The following MACROD2 variants were observed in gnomAD, a reference collection of about 807,000 sequenced individuals.
MACROD2 encodes the protein ADP-ribose glycohydrolase MACROD2.
In MACROD2, 36 loss-of-function variants were observed where a neutral mutation model predicts 70.4. The ratio of observed to expected loss-of-function variants is 0.51; its 90% CI spans 0.39 to 0.68. The LOEUF (loss-of-function observed/expected upper bound fraction) is 0.68. Ranked by LOEUF, MACROD2 falls within the 30% of genes least tolerant of loss-of-function variation. MACROD2 has a pLI of 0.00. For missense variants in MACROD2, 496 were observed against 538.4 expected (o/e 0.92, Z 0.78); for synonymous variants, 172 against 178.8 (o/e 0.96, Z 0.30).
chr20:15,068,480 G>A (rs979690672), intron 5 of MACROD2, among the ~76,000 whole-genome samples: 1 of 152,160 alleles, frequency 6.6e-6, no homozygotes, highest in Non-Finnish European at 1.5e-5. Flanking sequence ...GGAGGTGGGG[G>A]TCTAGTGGGA....
chr20:14,913,510 G>C (rs2074054295), intron 5 of MACROD2, among the ~76,000 whole-genome samples: 1 of 150,626 alleles, frequency 6.6e-6, no homozygotes, highest in Non-Finnish European at 1.5e-5. Flanking sequence ...AACATAGCAA[G>C]ACTCCGTCTC....
chr20:15,594,503 A>T (rs910514117), intron 8 of MACROD2, among the ~76,000 whole-genome samples: 3 of 152,178 alleles, frequency 2.0e-5, no homozygotes, highest in African/African-American at 7.2e-5. Context: ...AGGCTGCACC[A>T]AGCCTCACTC....
intron 4 of MACROD2, among the ~76,000 whole-genome samples, chr20:14,550,880 GTTTT>G (rs11469816): frequency 2.0e-5 from 3 of 147,730 alleles, no homozygotes; most frequent in East Asian, 2.0e-4. Context: ...ATCAGTAGCA[GTTTT>G]TTTTTTTTTT....
chr20:14,140,956 CAT>C, intron 3 of MACROD2, among the ~76,000 whole-genome samples: 1 of 152,318 alleles, frequency 6.6e-6, no homozygotes, highest in East Asian at 1.9e-4. Context: ...TGAAGTTGAT[CAT>C]ATTAGAGAGT....
At chr20:14,704,504 A>G (rs2071244629) in intron 5 of MACROD2, among the ~76,000 whole-genome samples, 1 of 151,710 alleles carries the variant, frequency 6.6e-6, no homozygotes, top group Admixed American at 6.6e-5. Context: ...TCACTTCTCT[A>G]CTTCTGGCCA....
chr20:15,874,828 A>G (rs2064644856), intron 9 of MACROD2, among the ~76,000 whole-genome samples: 1 of 152,176 alleles, frequency 6.6e-6, no homozygotes, highest in African/African-American at 2.4e-5. Context: ...AAAGGGGGAA[A>G]TAAGATTGGT....
intron 5 of MACROD2, among the ~76,000 whole-genome samples, chr20:14,742,828 G>A (rs1158046901): frequency 2.0e-5 from 3 of 150,644 alleles, no homozygotes; most frequent in East Asian, 2.0e-4. Context: ...GTGCAGTGAC[G>A]GGATCTCGGC....
intron 3 of MACROD2, among the ~76,000 whole-genome samples, chr20:14,118,915 A>G (rs1386070255): frequency 6.9e-6 from 1 of 144,248 alleles, no homozygotes; most frequent in Non-Finnish European, 1.5e-5. Flanking sequence ...GCGCGATCTC[A>G]GCTCACTGCC....
chr20:16,015,400 C>T (rs2066916272), intron 15 of MACROD2, among the ~76,000 whole-genome samples: 1 of 152,096 alleles, frequency 6.6e-6, no homozygotes, highest in Non-Finnish European at 1.5e-5. Flanking sequence ...CGTTATTAAA[C>T]TATCTCACCT....
intron 6 of MACROD2, among the ~76,000 whole-genome samples, chr20:15,333,089 G>A (rs535275032): frequency 1.3e-5 from 2 of 151,656 alleles, no homozygotes; most frequent in African/African-American, 2.4e-5. Context: ...CTTTCAAGTA[G>A]GAACACAAAG....
intron 10 of MACROD2, among the ~76,000 whole-genome samples, chr20:15,886,599 A>G (rs6080008): frequency 0.16 from 24,345 of 152,088 alleles, 2,098 homozygotes; most frequent in South Asian, 0.3. Flanking sequence ...CAGAATTGAG[A>G]TGCATGCCAA....
At chr20:14,833,876 A>G (rs958338469) in intron 5 of MACROD2, among the ~76,000 whole-genome samples, 1 of 152,134 alleles carries the variant, frequency 6.6e-6, no homozygotes, top group Non-Finnish European at 1.5e-5. Flanking sequence ...TAAGCTGAAT[A>G]AAAATAGTAT....
intron 15 of MACROD2, among the ~76,000 whole-genome samples, chr20:16,004,924 G>T (rs183781728): frequency 3.3e-5 from 5 of 152,322 alleles, no homozygotes; most frequent in Non-Finnish European, 7.3e-5. Context: ...ATAAAAAGTG[G>T]AGTATACACC....
At chr20:14,848,671 A>T (rs1029425308) in intron 5 of MACROD2, among the ~76,000 whole-genome samples, 1 of 152,210 alleles carries the variant, frequency 6.6e-6, no homozygotes, top group East Asian at 1.9e-4. Flanking sequence ...TGTTAAAATC[A>T]TAATAATTTC....
At chr20:15,021,156 C>A (rs566357105) in intron 5 of MACROD2, among the ~76,000 whole-genome samples, 2 of 119,270 alleles carry the variant, frequency 1.7e-5, no homozygotes, top group African/African-American at 7.0e-5. Flanking sequence ...ATACACACAC[C>A]TGTGTGTATG....
intron 4 of MACROD2, among the ~76,000 whole-genome samples, chr20:14,598,302 T>C (rs1356146193): frequency 6.6e-6 from 1 of 152,186 alleles, no homozygotes; most frequent in Non-Finnish European, 1.5e-5. Context: ...TCTTTCCTTT[T>C]ATATATTTTT....
intron 6 of MACROD2, among the ~76,000 whole-genome samples, chr20:15,261,089 A>G (rs568084104): frequency 6.6e-6 from 1 of 152,008 alleles, no homozygotes; most frequent in Non-Finnish European, 1.5e-5. Flanking sequence ...TTAAGGCAAC[A>G]TCTAACCAGA....
At chr20:14,662,761 C>T (rs1394278401) in intron 4 of MACROD2, among the ~76,000 whole-genome samples, 1 of 151,448 alleles carries the variant, frequency 6.6e-6, no homozygotes, top group Non-Finnish European at 1.5e-5. Flanking sequence ...TCATTAGAGA[C>T]ATACAAATGA....
intron 6 of MACROD2, among the ~76,000 whole-genome samples, chr20:15,371,284 GT>G (rs1480211269): frequency 6.6e-6 from 1 of 152,066 alleles, no homozygotes; most frequent in Non-Finnish European, 1.5e-5. Flanking sequence ...TAAAATAGTG[GT>G]TTTCAAATCT....
Sources: allele counts gnomAD v4.1 joint callset (sites outside exome capture counted in the v4.1 genomes callset), GRCh38; gene constraint gnomAD v4.1.1; transcripts MANE v1.5; gene names NCBI Gene and HGNC (gene_info 2026-07-23, HGNC 2026-07-21).